RARB: variants seen among roughly 807,000 people sequenced by gnomAD.
The protein encoded by RARB is HBV-activated protein.
RARB carries 17 observed loss-of-function variants against 51.9 expected under a neutral mutation model. The ratio of observed to expected loss-of-function variants is 0.33; its 90% CI spans 0.22 to 0.49. RARB has a LOEUF of 0.49. Among genes scored for constraint, RARB ranks in the 20% least tolerant of loss-of-function variants. The probability of loss-of-function intolerance (pLI) is 0.99; values close to 1 mark genes in which losing one functional copy is unlikely to be tolerated. For synonymous variants in RARB, 215 were observed against 195.4 expected, an observed-to-expected ratio of 1.10 and a Z score of -0.84; for missense variants, 369 against 550.8, an observed-to-expected ratio of 0.67 and a Z score of 3.30.
chr3:25,501,995 C>A (rs542716071), intron 3 of RARB, among the ~76,000 whole-genome samples: 1 of 152,330 alleles, frequency 6.6e-6, no homozygotes, highest in East Asian at 1.9e-4. Context: ...TTCGCTCTTT[C>A]TCTATTTGAT....
At chr3:25,457,376 T>G (rs140025911) in intron 1 of RARB, among the ~76,000 whole-genome samples, 1 of 152,340 alleles carries the variant, frequency 6.6e-6, no homozygotes, top group African/African-American at 2.4e-5. Flanking sequence ...ATGAACAGTC[T>G]GAGAATCTAT....
At chr3:25,469,952 A>T (rs973743156) in intron 2 of RARB, among the ~76,000 whole-genome samples, 1 of 152,130 alleles carries the variant, frequency 6.6e-6, no homozygotes, top group Non-Finnish European at 1.5e-5. Flanking sequence ...AAAAAGGGGA[A>T]CGTGGAGGAG....
intron 2 of RARB, among the ~76,000 whole-genome samples, chr3:24,935,165 G>A (rs972736721): frequency 1.3e-5 from 2 of 151,998 alleles, no homozygotes; most frequent in African/African-American, 4.8e-5. Context: ...AATCCATAAG[G>A]CACTTTCATA....
rs529890410 is a variant in RARB at position 25,583,721 on chromosome 3, G to T, written c.786+2999G>T. ...TTGCTCGGTGGGGACCATTTAGTGG[G>T]CAGCCCACAGCCGGGCTTCCTTCAC... On this transcript the variant is annotated intron_variant, in intron 5 of 7. Transcript: ENST00000330688. 5.3e-5 allele frequency among the ~76,000 whole-genome samples: 8 copies of T among 152,326 alleles called. No homozygotes were observed. The South Asian group carries it at 1.5e-3, about 28-fold the overall frequency.
At chr3:25,239,638 C>CAGA (rs1323216298) in intron 5 of RARB, among the ~76,000 whole-genome samples, 1 of 152,124 alleles carries the variant, frequency 6.6e-6, no homozygotes, top group African/African-American at 2.4e-5. Flanking sequence ...TCTGGGTCCT[C>CAGA]TATTCTGTTC....
chr3:25,021,430 G>A (rs917472596), intron 2 of RARB, among the ~76,000 whole-genome samples: 8 of 151,792 alleles, frequency 5.3e-5, no homozygotes, highest in Non-Finnish European at 1.0e-4. Flanking sequence ...TTGTAAATGA[G>A]CTAAGAATCA....
At chr3:25,444,817 G>C (rs1708856793) in intron 1 of RARB, among the ~76,000 whole-genome samples, 1 of 152,176 alleles carries the variant, frequency 6.6e-6, no homozygotes, top group Non-Finnish European at 1.5e-5. Context: ...GTAGATGTGT[G>C]AGTCAGTTTT....
intron 3 of RARB, among the ~76,000 whole-genome samples, chr3:25,122,904 G>A (rs926416602): frequency 4.6e-5 from 7 of 152,076 alleles, no homozygotes; most frequent in Non-Finnish European, 5.9e-5. Flanking sequence ...CCTTTCCATC[G>A]GGTCTGGAGT....
At chr3:25,290,802 G>C (rs911157513) in intron 5 of RARB, among the ~76,000 whole-genome samples, 1 of 152,158 alleles carries the variant, frequency 6.6e-6, no homozygotes, top group African/African-American at 2.4e-5. Flanking sequence ...GCTCTGCTCA[G>C]TCCTTGGCTT....
intron 1 of RARB, among the ~76,000 whole-genome samples, chr3:25,440,452 TAA>T: frequency 7.9e-6 from 1 of 125,970 alleles, no homozygotes; most frequent in South Asian, 2.5e-4. Context: ...GTCTAAAAAA[TAA>T]AAAAAAAAAA....
chr3:25,530,689 T>A (rs1414056881), intron 3 of RARB, among the ~76,000 whole-genome samples: 4 of 152,340 alleles, frequency 2.6e-5, no homozygotes, highest in Admixed American at 1.3e-4. Context: ...TTTTCCAGGA[T>A]AATCTTATTT....
chr3:25,362,844 G>C (rs1325436708), intron 5 of RARB, among the ~76,000 whole-genome samples: 1 of 152,182 alleles, frequency 6.6e-6, no homozygotes, highest in African/African-American at 2.4e-5. Flanking sequence ...AGGTACCTCA[G>C]TTGGAAATGC....
chr3:25,345,476 C>A (rs1050731106), intron 5 of RARB, among the ~76,000 whole-genome samples: 73 of 151,914 alleles, frequency 4.8e-4, no homozygotes, highest in African/African-American at 1.8e-3. Flanking sequence ...ACCAGCCTGG[C>A]CAATATGGTG....
In RARB at chr3:25,597,711, C is replaced by G. The variant is rs1701924998; in HGVS notation, c.*1095C>G. On this transcript the variant is annotated 3_prime_UTR_variant, in exon 8 of 8. Transcript: ENST00000330688. ...CAATCACTATGAAGCAGAGTGAAAG[C>G]TGTGGTAGAGTGGTTAACAGATACA... 1 of 152,414 alleles carries G rather than the reference C, an allele frequency of 6.6e-6. No individual in the cohort carries two copies. The highest frequency in any genetic ancestry group is 2.1e-4 in the South Asian group (1 of 4,826). 9.4% of individuals were successfully genotyped at this position (152,414 alleles called of 1,614,324 possible). A position where few individuals can be genotyped will look rare whatever the true frequency, so the allele number is the denominator to read the frequency against.
At chr3:25,563,651 C>T (rs1009403929) in intron 3 of RARB, among the ~76,000 whole-genome samples, 1 of 152,134 alleles carries the variant, frequency 6.6e-6, no homozygotes, top group Non-Finnish European at 1.5e-5. Context: ...CATGGTAGCT[C>T]GTTTACATGA....
intron 2 of RARB, among the ~76,000 whole-genome samples, chr3:25,500,667 C>T (rs1340451741): frequency 2.0e-5 from 3 of 151,658 alleles, no homozygotes; most frequent in Non-Finnish European, 4.4e-5. Context: ...TTAGTAGAGA[C>T]AGGGTTTCAC....
intron 3 of RARB, among the ~76,000 whole-genome samples, chr3:25,538,241 G>A (rs1181687388): frequency 6.6e-6 from 1 of 152,082 alleles, no homozygotes; most frequent in Admixed American, 6.6e-5. Context: ...CAGGATGGGA[G>A]GTTTACACCC....
At chr3:24,999,641 A>C (rs547589629) in intron 2 of RARB, among the ~76,000 whole-genome samples, 2 of 152,166 alleles carry the variant, frequency 1.3e-5, no homozygotes, top group African/African-American at 2.4e-5. Context: ...AAATGGCACA[A>C]TGAGGATGCT....
chr3:25,582,408 G>T (rs574081523), intron 5 of RARB, among the ~76,000 whole-genome samples: 1 of 152,118 alleles, frequency 6.6e-6, no homozygotes, highest in South Asian at 2.1e-4. Flanking sequence ...TGACAGCCCT[G>T]CATCACGCAG....
Sources: allele counts gnomAD v4.1 joint callset (sites outside exome capture counted in the v4.1 genomes callset), GRCh38; gene constraint gnomAD v4.1.1; transcripts MANE v1.5; gene names NCBI Gene and HGNC (gene_info 2026-07-23, HGNC 2026-07-21).